ARMC2: variants seen among roughly 807,000 people sequenced by gnomAD.
ARMC2 encodes the protein armadillo repeat-containing protein 2.
A neutral mutation model predicts 90.3 loss-of-function variants in ARMC2; 67 were observed. That is an observed-to-expected ratio of 0.74 (90% CI 0.61 to 0.91). The LOEUF (loss-of-function observed/expected upper bound fraction) is 0.91. Among genes scored for constraint, ARMC2 ranks in the 40% least tolerant of loss-of-function variants. The pLI is 0.00. For synonymous variants in ARMC2, 393 were observed against 393.0 expected, an observed-to-expected ratio of 1.00 and a Z score of 0.00; for missense variants, 920 against 1,030.9, an observed-to-expected ratio of 0.89 and a Z score of 1.47.
In ARMC2 at chr6:108,912,358, A is replaced by C. The variant is rs769019318; in HGVS notation, c.1150A>C (p.Ser384Arg). The C allele has an allele frequency of 1.9e-5, 30 of 1,608,532 alleles. No individual in the cohort carries two copies. In the East Asian group the frequency reaches 6.7e-4, roughly 36 times the overall value. The change falls in exon 10 of 18, where the codon AGT becomes CGT. Residue 384 changes from serine to arginine, a missense_variant. Transcript: ENST00000392644. ...AGAATCATTATTGGAGGTACTAAGA[A>C]GTGAAGACCTGCAAACTAACATGGA... Reference protein sequence around the residue: ...ILESLLEVLRSEDLQTNMEAF... With the variant: ...ILESLLEVLRREDLQTNMEAF...
At chr6:109,042,258 A>G in the ARMC2 span, among the ~76,000 whole-genome samples, 1 of 152,048 alleles carries the variant, frequency 6.6e-6, no homozygotes, top group African/African-American at 2.4e-5. Context: ...AAAATAAAAA[A>G]TTCAAATAAA....
the ARMC2 span, among the ~76,000 whole-genome samples, chr6:108,994,763 C>T: frequency 3.6e-5 from 5 of 137,524 alleles, no homozygotes; most frequent in Admixed American, 4.0e-4. Context: ...AGTGCAGTGG[C>T]GCGATCTCGG....
chr6:109,049,836 A>G, the ARMC2 span, among the ~76,000 whole-genome samples: 3 of 151,996 alleles, frequency 2.0e-5, no homozygotes, highest in African/African-American at 4.8e-5. Flanking sequence ...TCTTTAAAAA[A>G]TTCTCAAGAA....
At chr6:108,938,501 TC>T (rs1447305887) in intron 12 of ARMC2, among the ~76,000 whole-genome samples, 1 of 151,256 alleles carries the variant, frequency 6.6e-6, no homozygotes, top group Non-Finnish European at 1.5e-5. Context: ...CCAAAAGAAT[TC>T]TTTTACATGT....
At chr6:109,011,761 T>G in the ARMC2 span, among the ~76,000 whole-genome samples, 2 of 151,904 alleles carry the variant, frequency 1.3e-5, no homozygotes, top group Non-Finnish European at 2.9e-5. Context: ...CCTGAGTAGC[T>G]GGCACTACAG....
At chr6:108,933,922 C>T (rs1372290837) in intron 11 of ARMC2, among the ~76,000 whole-genome samples, 3 of 152,140 alleles carry the variant, frequency 2.0e-5, no homozygotes, top group Non-Finnish European at 1.5e-5. Flanking sequence ...AGTGCAGTGG[C>T]GTGATCTTGG....
chr6:108,923,198 CT>C (rs565648390), intron 10 of ARMC2, among the ~76,000 whole-genome samples: 1 of 152,112 alleles, frequency 6.6e-6, no homozygotes, highest in Admixed American at 6.5e-5. Context: ...CTAAACAAGA[CT>C]TTTTTTAAGT....
At chr6:109,041,184 C>CA in the ARMC2 span, among the ~76,000 whole-genome samples, 1 of 149,744 alleles carries the variant, frequency 6.7e-6, no homozygotes, top group Non-Finnish European at 1.5e-5. Flanking sequence ...TTGTGGCATG[C>CA]ACCTATAGTC....
At chr6:109,033,945 C>A in the ARMC2 span, among the ~76,000 whole-genome samples, 1 of 152,178 alleles carries the variant, frequency 6.6e-6, no homozygotes, top group Non-Finnish European at 1.5e-5. Context: ...GCATTAGAGT[C>A]TAACAACCTG....
chr6:108,985,841 G>A, the ARMC2 span, among the ~76,000 whole-genome samples: 2 of 152,182 alleles, frequency 1.3e-5, no homozygotes, highest in Non-Finnish European at 1.5e-5. Context: ...CATATTCAAT[G>A]AGTAATGCAC....
At chr6:108,861,528 T>G (rs755235038) in intron 3 of ARMC2, among the ~76,000 whole-genome samples, 1 of 152,238 alleles carries the variant, frequency 6.6e-6, no homozygotes, top group Non-Finnish European at 1.5e-5. Context: ...AAAATGTATC[T>G]TATATTTTTA....
intron 13 of ARMC2, among the ~76,000 whole-genome samples, chr6:108,960,213 G>A (rs1252380317): frequency 6.6e-6 from 1 of 152,158 alleles, no homozygotes; most frequent in South Asian, 2.1e-4. Flanking sequence ...GCACCGGCGG[G>A]GGACACCCCG....
At chr6:108,854,965 T>C (rs1012390095) in intron 2 of ARMC2, among the ~76,000 whole-genome samples, 2 of 152,252 alleles carry the variant, frequency 1.3e-5, no homozygotes, top group African/African-American at 4.8e-5. Context: ...TTTGCCAGAA[T>C]GTCATATAGT....
At chr6:109,027,242 G>A in the ARMC2 span, among the ~76,000 whole-genome samples, 3 of 151,896 alleles carry the variant, frequency 2.0e-5, no homozygotes. Flanking sequence ...GGTGGCCGAG[G>A]TGGGCAGATT....
intron 12 of ARMC2, among the ~76,000 whole-genome samples, chr6:108,944,696 G>C (rs1414578124): frequency 6.6e-6 from 1 of 152,166 alleles, no homozygotes; most frequent in African/African-American, 2.4e-5. Context: ...CAGTTAAATT[G>C]AGAGTGATGA....
Position 108,895,367 on chromosome 6 carries a change from C to T in ARMC2, c.748+824C>T, listed in dbSNP as rs150969585. On this transcript the variant is annotated intron_variant, in intron 6 of 17. Transcript: ENST00000392644. ...GGGAGGGAGTGGGGCACCTGTAATC[C>T]CAACTACTTGGGAGGCTGAGGCAGC... 7.6e-4 allele frequency among the ~76,000 whole-genome samples: 115 copies of T among 150,892 alleles called. 2 individuals carry two copies. The highest frequency in any genetic ancestry group is 3.4e-3 in the Middle Eastern group (1 of 294).
intron 4 of ARMC2, among the ~76,000 whole-genome samples, chr6:108,875,884 C>T (rs114913589): frequency 6.6e-6 from 1 of 152,068 alleles, no homozygotes; most frequent in Admixed American, 6.5e-5. Context: ...CCTGAAGTTG[C>T]GTGTTTGCCT....
the ARMC2 span, among the ~76,000 whole-genome samples, chr6:109,040,610 T>C: frequency 3.2e-4 from 48 of 152,224 alleles, no homozygotes; most frequent in African/African-American, 1.1e-3. Flanking sequence ...TTTAACTTCT[T>C]GAAAACAAAT....
At chr6:108,998,434 A>C in the ARMC2 span, 1 of 1,557,776 alleles carries the variant, frequency 6.4e-7, no homozygotes, top group African/African-American at 1.4e-5. Flanking sequence ...GGGTTTTTCT[A>C]AGAAGCCAAC....
Sources: gnomAD v4.1 joint callset for allele counts (sites outside exome capture counted in the v4.1 genomes callset) on GRCh38, gnomAD v4.1.1 for gene constraint, MANE v1.5 for transcripts, NCBI Gene and HGNC (gene_info 2026-07-23, HGNC 2026-07-21) for gene names.